SH3BGRL: variants seen among roughly 807,000 people sequenced by gnomAD.
The protein encoded by SH3BGRL is SH3 domain binding glutamate rich protein like, also known as adapter SH3BGRL.
Under a neutral mutation model 9.8 loss-of-function variants are expected in SH3BGRL, and 7 were observed. The ratio of observed to expected loss-of-function variants is 0.72; its 90% CI spans 0.41 to 1.35. The LOEUF is 1.35. SH3BGRL is among the 40% of genes most tolerant of loss of function. The probability of loss-of-function intolerance (pLI) is 0.01; values close to 1 mark genes in which losing one functional copy is unlikely to be tolerated. For missense variants in SH3BGRL, 73 were observed against 84.4 expected (o/e 0.86, Z 0.53); for synonymous variants, 36 against 29.1 (o/e 1.24, Z -0.76).
intron 1 of SH3BGRL, among the ~76,000 whole-genome samples, chrX:81,213,574 G>A (rs1392068437): frequency 9.0e-6 from 1 of 110,780 alleles, no homozygotes; most frequent in African/African-American, 3.3e-5. Flanking sequence ...AACAGATTTT[G>A]AGGCAAGGGG....
At chrX:81,232,622 T>C (rs1366136268) in intron 1 of SH3BGRL, among the ~76,000 whole-genome samples, 2 of 111,181 alleles carry the variant, frequency 1.8e-5, no homozygotes, top group Non-Finnish European at 3.8e-5. Flanking sequence ...TCTCTCACTC[T>C]TGCATGCCAA....
At chrX:81,267,961 A>G (rs1412050021) in intron 1 of SH3BGRL, among the ~76,000 whole-genome samples, 1 of 111,571 alleles carries the variant, frequency 9.0e-6, no homozygotes. Flanking sequence ...TATGGGTCCA[A>G]GAATTTGTCC....
At chrX:81,260,636 G>T (rs1024267841) in intron 1 of SH3BGRL, among the ~76,000 whole-genome samples, 1 of 110,846 alleles carries the variant, frequency 9.0e-6, no homozygotes, top group Non-Finnish European at 1.9e-5. Flanking sequence ...GTAGCAGAAA[G>T]AGGCCAAACT....
At chrX:81,262,224 T>G (rs776421165) in intron 1 of SH3BGRL, among the ~76,000 whole-genome samples, 1 of 111,096 alleles carries the variant, frequency 9.0e-6, no homozygotes, top group South Asian at 3.8e-4. Context: ...TTGACTTTAT[T>G]CTAAATATAC....
rs750859973 is a variant in SH3BGRL at position 81,278,418 on chromosome X, T to C, written c.312+7T>C. On this transcript the variant is annotated splice_region_variant and intron_variant, in intron 3 of 3. Transcript: ENST00000373212. Reference sequence around the variant, plus strand: ...AGCCCCACCTGGTTCAAAGGTATGATACCCTTTTTTTCCTGTTTTATAGGT... The same window carrying C: ...AGCCCCACCTGGTTCAAAGGTATGACACCCTTTTTTTCCTGTTTTATAGGT... The C allele has an allele frequency of 1.5e-5, 17 of 1,110,262 alleles. No homozygotes were observed. Among genetic ancestry groups the C allele is most frequent in the Non-Finnish European group, 2.1e-5 (17 of 815,300 alleles). 91.5% of individuals were successfully genotyped at this position (1,110,262 alleles called of 1,213,427 possible). A position where few individuals can be genotyped will look rare whatever the true frequency, so the allele number is the denominator to read the frequency against.
At chrX:81,208,353 A>T (rs2075553766) in intron 1 of SH3BGRL, among the ~76,000 whole-genome samples, 1 of 112,244 alleles carries the variant, frequency 8.9e-6, no homozygotes, top group African/African-American at 3.2e-5. Flanking sequence ...AAGGGTTTTG[A>T]TCAATAAACC....
chrX:81,268,663 C>T (rs190692984), intron 1 of SH3BGRL, among the ~76,000 whole-genome samples: 145 of 111,392 alleles, frequency 1.3e-3, no homozygotes, highest in African/African-American at 4.4e-3. Context: ...AGAATAAGTG[C>T]GATGTGGTGC....
At chrX:81,252,707 T>C (rs1234753164) in intron 1 of SH3BGRL, among the ~76,000 whole-genome samples, 1 of 112,511 alleles carries the variant, frequency 8.9e-6, no homozygotes, top group Non-Finnish European at 1.9e-5. Context: ...CTGGGCCACA[T>C]GTGGCCCTTG....
intron 1 of SH3BGRL, among the ~76,000 whole-genome samples, chrX:81,205,921 A>G (rs1602590304): frequency 9.0e-6 from 1 of 111,339 alleles, no homozygotes; most frequent in South Asian, 3.8e-4. Flanking sequence ...GTGAGATGTT[A>G]TCTCATTATA....
intron 1 of SH3BGRL, among the ~76,000 whole-genome samples, chrX:81,269,773 G>A (rs1990719707): frequency 9.0e-6 from 1 of 111,441 alleles, no homozygotes; most frequent in South Asian, 3.8e-4. Context: ...TGTCTTGCTA[G>A]ATTGGGGAAG....
chrX:81,240,262 G>T (rs1275058982), intron 1 of SH3BGRL, among the ~76,000 whole-genome samples: 3 of 111,942 alleles, frequency 2.7e-5, no homozygotes, highest in Admixed American at 1.9e-4. Context: ...ACAGCAGAAA[G>T]TTAAAAAGCA....
chrX:81,203,461 A>C lies in SH3BGRL; in HGVS notation c.45+1216A>C, dbSNP rs914749623. 1.9e-4 allele frequency among the ~76,000 whole-genome samples: 21 copies of C among 112,152 alleles called. No homozygotes were observed. In the Admixed American group the frequency reaches 2.0e-3, roughly 11 times the overall value. Reference sequence around the variant, plus strand: ...AATTTAATCTTACATTTTTTGAATAAGTTTAGGTTAAAAAAAAGAACACCT... The same window carrying C: ...AATTTAATCTTACATTTTTTGAATACGTTTAGGTTAAAAAAAAGAACACCT... On this transcript the variant is annotated intron_variant, in intron 1 of 3. Coordinates refer to ENST00000373212, the MANE Select transcript of SH3BGRL (RefSeq NM_003022.3).
intron 1 of SH3BGRL, among the ~76,000 whole-genome samples, chrX:81,257,950 T>A (rs1243368228): frequency 9.0e-6 from 1 of 110,916 alleles, no homozygotes; most frequent in Non-Finnish European, 1.9e-5. Context: ...AGTTTAGGGG[T>A]AAAATCCCCA....
chrX:81,250,449 G>A (rs748478139), intron 1 of SH3BGRL, among the ~76,000 whole-genome samples: 28 of 110,399 alleles, frequency 2.5e-4, no homozygotes, highest in African/African-American at 8.5e-4. Context: ...GAAAAAAATA[G>A]TCTTAGCTAT....
At chrX:81,256,754 A>G (rs1052484055) in intron 1 of SH3BGRL, among the ~76,000 whole-genome samples, 8 of 111,986 alleles carry the variant, frequency 7.1e-5, no homozygotes, top group African/African-American at 2.6e-4. Context: ...TATCATCCCT[A>G]TTTGTTGTTT....
At chrX:81,274,639 G>A (rs1044733793) in intron 1 of SH3BGRL, among the ~76,000 whole-genome samples, 2 of 109,763 alleles carry the variant, frequency 1.8e-5, no homozygotes, top group Non-Finnish European at 3.8e-5. Context: ...ATCTCCACTT[G>A]AGTGCAGGAG....
chrX:81,293,168 G>C (rs978791684), intron 3 of SH3BGRL, among the ~76,000 whole-genome samples: 12 of 111,952 alleles, frequency 1.1e-4, no homozygotes, highest in Non-Finnish European at 2.3e-4. Context: ...AGAGGTTTCT[G>C]CTTTTGCATC....
chrX:81,232,257 G>T (rs1267950172), intron 1 of SH3BGRL, among the ~76,000 whole-genome samples: 1 of 110,809 alleles, frequency 9.0e-6, no homozygotes, highest in Non-Finnish European at 1.9e-5. Flanking sequence ...AATTCTCTCT[G>T]AAATTTAGAT....
chrX:81,270,503 G>T (rs750559780), intron 1 of SH3BGRL, among the ~76,000 whole-genome samples: 1 of 112,048 alleles, frequency 8.9e-6, no homozygotes, highest in African/African-American at 3.2e-5. Flanking sequence ...GTCTGTTGGC[G>T]TTTGCCGGAG....
Sources: allele counts gnomAD v4.1 joint callset (sites outside exome capture counted in the v4.1 genomes callset), GRCh38; gene constraint gnomAD v4.1.1; transcripts MANE v1.5; gene names NCBI Gene and HGNC (gene_info 2026-07-23, HGNC 2026-07-21).